Variants in SEC31A observed in about 807,000 individuals in gnomAD.
SEC31A encodes the protein SEC31 homolog A, COPII component.
Under a neutral mutation model 151.0 loss-of-function variants are expected in SEC31A, and 70 were observed. The observed-to-expected ratio is 0.46, with a 90% CI of 0.38 to 0.57. SEC31A has a LOEUF of 0.57. Ranked by LOEUF, SEC31A falls within the 20% of genes least tolerant of loss-of-function variation. SEC31A has a pLI of 0.00. For synonymous variants in SEC31A, 475 were observed against 505.9 expected (o/e 0.94, Z 0.82); for missense variants, 1,330 against 1,471.2 (o/e 0.90, Z 1.57).
At chr4:82,887,301 A>G (rs988492859) in intron 1 of SEC31A, among the ~76,000 whole-genome samples, 4 of 152,236 alleles carry the variant, frequency 2.6e-5, no homozygotes, top group African/African-American at 9.6e-5. Flanking sequence ...ACACATTTAT[A>G]AGAACATAAA....
At position 82,853,655 on chromosome 4, in the gene SEC31A, A is replaced by G; in HGVS notation, c.2069T>C (p.Leu690Pro). ...GDSLLQTQAC[L>P]CYICAGNVEK... ...TACATTCCCTGCACAAATATAGCAG[A>G]GACATGCTTGAGTCTGCAGGAGGCT... Residue 690 changes from leucine to proline, a missense_variant, in exon 18 of 27, where the codon CTC becomes CCC. Coordinates refer to ENST00000395310, the MANE Select transcript of SEC31A (RefSeq NM_001077207.4). The G allele has an allele frequency of 6.2e-7, 1 of 1,603,322 alleles. No homozygotes were observed. The highest frequency in any genetic ancestry group is 8.5e-7 in the Non-Finnish European group (1 of 1,177,164).
At chr4:82,864,301 T>C (rs535876888) in intron 11 of SEC31A, 61 bp downstream of exon 11, 1 of 1,138,548 alleles carries the variant, frequency 8.8e-7, no homozygotes, top group Admixed American at 1.9e-5. Flanking sequence ...AGATTTAGAA[T>C]ATAAAGGAAC....
In SEC31A at chr4:82,864,578, C is replaced by T. The variant is rs775498256; in HGVS notation, c.1218G>A (p.Thr406=). The change falls in exon 11 of 27, where the codon ACG becomes ACA. Residue 406 remains threonine (T), a synonymous_variant. Coordinates refer to ENST00000395310, the MANE Select transcript of SEC31A (RefSeq NM_001077207.4). ...ASFSFGGKLV[T]FENVRMPSHQ... ...GAGAAGGCATTCTGACATTCTCAAA[C>T]GTAACCAGTTTGCCTCCAAACTATA... 1.9e-5 allele frequency: 31 copies of T among 1,613,798 alleles called. No homozygotes were observed. Among genetic ancestry groups the T allele is most frequent in the South Asian group, 3.3e-5 (3 of 91,088 alleles).
chr4:82,898,148 T>A (rs1287644506), intron 3 of SEC31A: 1 of 152,184 alleles, frequency 6.6e-6, no homozygotes, highest in Non-Finnish European at 1.5e-5. Flanking sequence ...AGCTTACATA[T>A]CCTCATTTAA....
chr4:82,828,269 T>C (rs994512568), intron 23 of SEC31A, among the ~76,000 whole-genome samples: 2 of 152,314 alleles, frequency 1.3e-5, no homozygotes, highest in Admixed American at 1.3e-4. Flanking sequence ...GTGCCAAGTA[T>C]GCATGGGCGT....
chr4:82,891,264 C>T, upstream of SEC31A: 1 of 1,286,312 alleles, frequency 7.8e-7, no homozygotes, highest in Non-Finnish European at 1.1e-6. Context: ...ACATCTTTCC[C>T]CGCCCACCCG....
chr4:82,888,572 C>T (rs1258718962), intron 1 of SEC31A, among the ~76,000 whole-genome samples: 1 of 151,886 alleles, frequency 6.6e-6, no homozygotes, highest in South Asian at 2.1e-4. Flanking sequence ...GCCAGTAGTC[C>T]CCGCTACTCG....
Position 82,847,560 on chromosome 4 carries a change from C to T in SEC31A, c.2502+1244G>A, listed in dbSNP as rs144833449. 1.3e-4 allele frequency among the ~76,000 whole-genome samples: 20 copies of T among 152,270 alleles called. No individual in the cohort carries two copies. In the East Asian group the frequency reaches 3.3e-3, roughly 25 times the overall value. Reference sequence around the variant, plus strand: ...TGACAGGTAGCTTGGTTTAACAAGACGCTTGGGAGTTCTAATCCCAACTTG... The same window carrying T: ...TGACAGGTAGCTTGGTTTAACAAGATGCTTGGGAGTTCTAATCCCAACTTG... On this transcript the variant is annotated intron_variant, in intron 20 of 26. Coordinates refer to ENST00000395310, the MANE Select transcript of SEC31A (RefSeq NM_001077207.4).
chr4:82,870,365 T>G lies in SEC31A; in HGVS notation c.842A>C (p.Lys281Thr). 6.2e-7 allele frequency: 1 copy of G among 1,614,012 alleles called. No homozygotes were observed. Among genetic ancestry groups the G allele is most frequent in the Non-Finnish European group, 8.5e-7 (1 of 1,179,920 alleles). Residue 281 changes from lysine to threonine, a missense_variant, in exon 8 of 27, where the codon AAA becomes ACA. Physicochemically the swap from Lys to Thr is moderately conservative, Grantham distance 78. Transcript: ENST00000395310. ...ATTGGAGCAGAGAATCTTAGCATCT[T>G]TTCCACAGCTCAGTAACAATTCAGG... ...ADPELLLSCGKDAKILCSNPN... is the reference protein window; with the variant it reads ...ADPELLLSCGTDAKILCSNPN...
chr4:82,828,408 C>T (rs1358794995), intron 23 of SEC31A, among the ~76,000 whole-genome samples: 1 of 151,938 alleles, frequency 6.6e-6, no homozygotes, highest in African/African-American at 2.4e-5. Flanking sequence ...GGTTTCTTTC[C>T]TTATTTAATG....
chr4:82,899,049 T>TA (rs1339751047), intron 3 of SEC31A, among the ~76,000 whole-genome samples: 1 of 152,222 alleles, frequency 6.6e-6, no homozygotes, highest in Non-Finnish European at 1.5e-5. Context: ...AAAGTACTGA[T>TA]ACGTGCTATA....
At chr4:82,836,031 C>A (rs1488092066) in intron 22 of SEC31A, among the ~76,000 whole-genome samples, 1 of 152,076 alleles carries the variant, frequency 6.6e-6, no homozygotes, top group Non-Finnish European at 1.5e-5. Flanking sequence ...CCTCAAAAAA[C>A]TAAATGTGGA....
Position 82,861,613 on chromosome 4 carries a change from T to A in SEC31A, c.1626+18A>T. ...TATCACAAATTTGTCCAATATAATA[T>A]GAAAAAAAAATAAGTACCTCTCCCA... is the stretch of plus-strand genomic sequence containing the variant. On this transcript the variant is annotated intron_variant, in intron 14 of 26. Coordinates refer to ENST00000395310, the MANE Select transcript of SEC31A (RefSeq NM_001077207.4). The A allele has an allele frequency of 6.5e-7, 1 of 1,549,016 alleles. No homozygotes were observed. The highest frequency in any genetic ancestry group is 8.8e-7 in the Non-Finnish European group (1 of 1,130,354).
intron 6 of SEC31A, 99 bp from the exon 7 acceptor site, chr4:82,872,185 A>T: frequency 2.2e-6 from 2 of 899,606 alleles, no homozygotes; most frequent in Non-Finnish European, 3.4e-6. Context: ...ATAGTGAAAA[A>T]CATCAGCTGT....
intron 20 of SEC31A, among the ~76,000 whole-genome samples, chr4:82,846,146 G>A (rs1730102129): frequency 6.6e-6 from 1 of 151,936 alleles, no homozygotes; most frequent in South Asian, 2.1e-4. Context: ...TGGGACTACA[G>A]GCGCCTGCCA....
chr4:82,899,493 C>T (rs1435615123), intron 3 of SEC31A: 1 of 152,210 alleles, frequency 6.6e-6, no homozygotes, highest in African/African-American at 2.4e-5. Context: ...ACAGCCCAAC[C>T]AACTTACAGT....
At chr4:82,825,877 TAA>T (rs1252878140) in intron 24 of SEC31A, among the ~76,000 whole-genome samples, 1 of 152,138 alleles carries the variant, frequency 6.6e-6, no homozygotes, top group Non-Finnish European at 1.5e-5. Flanking sequence ...TGGGGAGATT[TAA>T]AAGAGAGGTT....
Position 82,821,406 on chromosome 4 carries a change from G to C in SEC31A, c.3412-298C>G, listed in dbSNP as rs1366159274. ...TACTAAAAATACAAAAAATTTGCTG[G>C]GCGTAGTGGCAGGCGCCTGTAATCC... On this transcript the variant is annotated intron_variant, in intron 25 of 26. Coordinates refer to ENST00000395310, the MANE Select transcript of SEC31A (RefSeq NM_001077207.4). 1.2e-5 allele frequency: 3 copies of C among 243,314 alleles called. No individual in the cohort carries two copies. In the East Asian group the frequency reaches 3.5e-4, roughly 28 times the overall value. The allele number at this position is 243,314 out of a possible 1,614,324, so 15.1% of individuals were successfully genotyped here. A position where few individuals can be genotyped will look rare whatever the true frequency, so the allele number is the denominator to read the frequency against.
rs761527760 is a variant in SEC31A at position 82,864,467 on chromosome 4, G to C, written c.1329C>G (p.Asp443Glu). The part of the protein sequence containing the change: ...VTEKEFLSRS[D>E]QLQQAVQSQG... ...GTGACTGCACAGCCTGCTGAAGTTGGTCTGATCGGCTGAGGAACTCCTTTT... is the reference window on the plus strand; with the variant it reads ...GTGACTGCACAGCCTGCTGAAGTTGCTCTGATCGGCTGAGGAACTCCTTTT... The change falls in exon 11 of 27, where the codon GAC (aspartate) becomes GAG (glutamate). Residue 443 changes from aspartate to glutamate, a missense_variant. Coordinates refer to ENST00000395310, the MANE Select transcript of SEC31A (RefSeq NM_001077207.4). 6.2e-7 allele frequency: 1 copy of C among 1,614,182 alleles called. No individual in the cohort carries two copies. Among genetic ancestry groups the C allele is most frequent in the Admixed American group, 1.7e-5 (1 of 60,024 alleles).
Sources: gnomAD v4.1 joint callset for allele counts (sites outside exome capture counted in the v4.1 genomes callset) on GRCh38, gnomAD v4.1.1 for gene constraint, MANE v1.5 for transcripts, NCBI Gene and HGNC (gene_info 2026-07-23, HGNC 2026-07-21) for gene names.